Variants in CCSER1 observed in about 807,000 individuals in gnomAD.
The protein encoded by CCSER1 is coiled-coil serine rich protein 1, also known as serine-rich coiled-coil domain-containing protein 1.
A neutral mutation model predicts 82.0 loss-of-function variants in CCSER1; 41 were observed. The ratio of observed to expected loss-of-function variants is 0.50; its 90% CI spans 0.39 to 0.65. The LOEUF (loss-of-function observed/expected upper bound fraction) is 0.65, where lower values mean the gene tolerates loss of function less well. CCSER1 is among the 30% of genes least tolerant of loss of function. CCSER1 has a pLI of 0.00. For missense variants in CCSER1, 1,119 were observed against 1,064.2 expected, an observed-to-expected ratio of 1.05 and a Z score of -0.72; for synonymous variants, 414 against 383.9, an observed-to-expected ratio of 1.08 and a Z score of -0.92.
intron 10 of CCSER1, among the ~76,000 whole-genome samples, chr4:91,494,707 G>A (rs1244823255): frequency 2.0e-5 from 3 of 151,520 alleles, no homozygotes; most frequent in Non-Finnish European, 4.4e-5. Flanking sequence ...TTGTAGTAAT[G>A]CTTAATCATT....
chr4:90,430,742 A>G (rs1758156261), intron 4 of CCSER1, among the ~76,000 whole-genome samples: 1 of 151,932 alleles, frequency 6.6e-6, no homozygotes, highest in Admixed American at 6.6e-5. Context: ...AAAAGAAAAG[A>G]TAGAAAAAAG....
chr4:91,378,469 C>A (rs934336404), intron 10 of CCSER1, among the ~76,000 whole-genome samples: 1 of 152,288 alleles, frequency 6.6e-6, no homozygotes, highest in Non-Finnish European at 1.5e-5. Context: ...CCTTCACATT[C>A]CTTGTAAGTT....
rs537156403 is a variant in CCSER1, at chr4:90,278,862, T to C, written c.-41-29382T>C. Among the ~76,000 whole-genome samples, 8 of 152,184 alleles carry C rather than the reference T, an allele frequency of 5.3e-5. No individual in the cohort carries two copies. In the South Asian group the frequency reaches 1.7e-3, roughly 32 times the overall value. ...TGAAAAAAATGGAGTTGATAAGATA[T>C]AGGTCAAACAAGTGAAAGTTTGCTC... On this transcript the variant is annotated intron_variant, in intron 1 of 10. Coordinates refer to ENST00000509176, the MANE Select transcript of CCSER1 (RefSeq NM_001145065.2).
At chr4:91,179,592 A>G (rs188757968) in intron 10 of CCSER1, among the ~76,000 whole-genome samples, 9 of 152,284 alleles carry the variant, frequency 5.9e-5, no homozygotes, top group Admixed American at 4.6e-4. Flanking sequence ...ACTTGATCGA[A>G]TCAGCTACTG....
intron 3 of CCSER1, among the ~76,000 whole-genome samples, chr4:90,374,039 C>G (rs569913742): frequency 1.3e-5 from 2 of 152,248 alleles, no homozygotes; most frequent in East Asian, 3.9e-4. Context: ...AGTCTTGTGG[C>G]TTTTGCCAAC....
chr4:90,439,845 A>G (rs1759593672), intron 4 of CCSER1, among the ~76,000 whole-genome samples: 1 of 152,080 alleles, frequency 6.6e-6, no homozygotes, highest in African/African-American at 2.4e-5. Context: ...TAAACCTTTT[A>G]CTTTTTGTTC....
chr4:90,824,861 G>A (rs1030391966), intron 8 of CCSER1, among the ~76,000 whole-genome samples: 12 of 152,250 alleles, frequency 7.9e-5, no homozygotes, highest in Non-Finnish European at 1.6e-4. Context: ...CATTATTAAA[G>A]TGTCAGGCTA....
chr4:91,552,707 G>A (rs1416034836), intron 10 of CCSER1, among the ~76,000 whole-genome samples: 5 of 151,456 alleles, frequency 3.3e-5, no homozygotes, highest in Admixed American at 3.3e-4. Context: ...AAATGCAACT[G>A]AGTTTTGCAT....
chr4:91,074,051 G>A (rs1048002809), intron 9 of CCSER1, among the ~76,000 whole-genome samples: 16 of 152,242 alleles, frequency 1.1e-4, no homozygotes, highest in Middle Eastern at 3.4e-3. Flanking sequence ...AGTGTTTTAC[G>A]ACTCTTGTCG....
chr4:90,611,522 T>G (rs1785498275), intron 5 of CCSER1, among the ~76,000 whole-genome samples: 1 of 151,814 alleles, frequency 6.6e-6, no homozygotes, highest in South Asian at 2.1e-4. Context: ...TTTGCTAATG[T>G]CTAGGCTACC....
chr4:90,397,964 G>T (rs546504711), intron 3 of CCSER1, among the ~76,000 whole-genome samples: 2 of 152,180 alleles, frequency 1.3e-5, no homozygotes, highest in African/African-American at 4.8e-5. Context: ...TGCCAGGGCT[G>T]CCATAACAAA....
intron 10 of CCSER1, among the ~76,000 whole-genome samples, chr4:91,149,753 T>C (rs1386117604): frequency 6.6e-6 from 1 of 152,216 alleles, no homozygotes; most frequent in Admixed American, 6.5e-5. Context: ...CCCCATTTCT[T>C]GTTTTTGTCA....
At chr4:90,627,496 T>A (rs1190150485) in intron 5 of CCSER1, among the ~76,000 whole-genome samples, 1 of 152,092 alleles carries the variant, frequency 6.6e-6, no homozygotes, top group East Asian at 1.9e-4. Flanking sequence ...AAACTGTTTT[T>A]ATAAATATTC....
chr4:91,017,000 C>T (rs1298646530), intron 9 of CCSER1, among the ~76,000 whole-genome samples: 3 of 152,050 alleles, frequency 2.0e-5, no homozygotes, highest in Admixed American at 2.0e-4. Flanking sequence ...AGAAGAGAAA[C>T]TGGTCTAAGT....
intron 10 of CCSER1, among the ~76,000 whole-genome samples, chr4:91,570,385 CT>C (rs1763116754): frequency 6.6e-6 from 1 of 152,216 alleles, no homozygotes; most frequent in Admixed American, 6.5e-5. Context: ...CCACATTTCA[CT>C]TCTGCACTGC....
chr4:90,174,417 A>G (rs1732292651), intron 1 of CCSER1, among the ~76,000 whole-genome samples: 1 of 151,990 alleles, frequency 6.6e-6, no homozygotes, highest in South Asian at 2.1e-4. Flanking sequence ...GGAACACTGG[A>G]ATCAGCCAAC....
At chr4:90,729,013 T>C (rs986867288) in intron 7 of CCSER1, among the ~76,000 whole-genome samples, 6 of 152,318 alleles carry the variant, frequency 3.9e-5, no homozygotes, top group African/African-American at 1.4e-4. Context: ...TAGGAGGCTG[T>C]CTGGGAGGAT....
intron 7 of CCSER1, among the ~76,000 whole-genome samples, chr4:90,756,565 T>C (rs572466751): frequency 6.6e-6 from 1 of 152,330 alleles, no homozygotes; most frequent in African/African-American, 2.4e-5. Context: ...ATATATAATA[T>C]GTCTGATTAT....
intron 10 of CCSER1, among the ~76,000 whole-genome samples, chr4:91,460,444 G>T (rs1315472945): frequency 6.6e-6 from 1 of 152,032 alleles, no homozygotes; most frequent in Admixed American, 6.5e-5. Context: ...CAGTCCGATG[G>T]CTCTAACGAT....
Sources: allele counts gnomAD v4.1 joint callset (sites outside exome capture counted in the v4.1 genomes callset), GRCh38; gene constraint gnomAD v4.1.1; transcripts MANE v1.5; gene names NCBI Gene and HGNC (gene_info 2026-07-23, HGNC 2026-07-21).